Variants in IL1RAPL1 observed in about 807,000 individuals in gnomAD.
IL1RAPL1 encodes the protein interleukin 1 receptor accessory protein like 1, also known as interleukin-1 receptor accessory protein-like 1.
IL1RAPL1 carries 3 observed loss-of-function variants against 48.4 expected under a neutral mutation model. The observed-to-expected ratio is 0.06, with a 90% CI of 0.03 to 0.16. The LOEUF is 0.16. IL1RAPL1 is among the 10% of genes least tolerant of loss of function. The pLI is 1.00. For synonymous variants in IL1RAPL1, 185 were observed against 187.7 expected, an observed-to-expected ratio of 0.99 and a Z score of 0.12; for missense variants, 349 against 530.6, an observed-to-expected ratio of 0.66 and a Z score of 3.36.
At chrX:29,822,574 G>T (rs1177234273) in intron 6 of IL1RAPL1, among the ~76,000 whole-genome samples, 1 of 109,814 alleles carries the variant, frequency 9.1e-6, no homozygotes, top group African/African-American at 3.3e-5. Context: ...ACAGTATAAT[G>T]TTTTAAATAA....
chrX:29,323,640 T>C, intron 3 of IL1RAPL1, among the ~76,000 whole-genome samples: 1 of 91,854 alleles, frequency 1.1e-5, no homozygotes, highest in Non-Finnish European at 2.1e-5. Flanking sequence ...CCCTTGCATT[T>C]CCATCAGATA....
At chrX:29,949,460 G>A (rs1274663372) in intron 9 of IL1RAPL1, among the ~76,000 whole-genome samples, 3 of 111,691 alleles carry the variant, frequency 2.7e-5, no homozygotes, top group Non-Finnish European at 3.8e-5. Context: ...TCATAAGAAA[G>A]AGTAACTTAA....
At chrX:28,856,366 T>C (rs2147299888) in intron 2 of IL1RAPL1, among the ~76,000 whole-genome samples, 1 of 111,941 alleles carries the variant, frequency 8.9e-6, no homozygotes, top group Admixed American at 9.5e-5. Context: ...CCACAGCAAA[T>C]TGCTTAAAAC....
At chrX:29,932,097 C>G (rs1467041982) in intron 8 of IL1RAPL1, among the ~76,000 whole-genome samples, 1 of 112,182 alleles carries the variant, frequency 8.9e-6, no homozygotes, top group Non-Finnish European at 1.9e-5. Flanking sequence ...CTTTGTCTGT[C>G]TTCTCCCCAT....
chrX:29,370,811 T>G (rs1933533417), intron 3 of IL1RAPL1, among the ~76,000 whole-genome samples: 1 of 110,937 alleles, frequency 9.0e-6, no homozygotes, highest in Non-Finnish European at 1.9e-5. Context: ...AGTTGCAAGT[T>G]AAGACTAAAA....
intron 6 of IL1RAPL1, among the ~76,000 whole-genome samples, chrX:29,906,239 A>T (rs893872776): frequency 2.9e-5 from 3 of 104,265 alleles, no homozygotes; most frequent in African/African-American, 1.0e-4. Context: ...GGAGGCTGAG[A>T]CAGGAGAATG....
chrX:29,940,109 C>T (rs1026908005), intron 8 of IL1RAPL1, among the ~76,000 whole-genome samples: 1 of 110,791 alleles, frequency 9.0e-6, no homozygotes, highest in African/African-American at 3.3e-5. Flanking sequence ...GTGATCTGCC[C>T]GCCTTGGCCT....
intron 2 of IL1RAPL1, among the ~76,000 whole-genome samples, chrX:29,028,550 T>G (rs1185787194): frequency 9.0e-6 from 1 of 111,131 alleles, no homozygotes; most frequent in African/African-American, 3.3e-5. Flanking sequence ...CCTCCCAAAG[T>G]GCTAGGATTA....
rs1025388465 is a variant in IL1RAPL1, at chrX:28,587,598, C to T, written c.-474C>T. On this transcript the variant is annotated 5_prime_UTR_variant, in exon 1 of 11. Coordinates refer to ENST00000378993, the MANE Select transcript of IL1RAPL1 (RefSeq NM_014271.4). ...TGCATGTACTCAGAAGATTTGCAAG[C>T]AACACTCCAATTCTTGTCATAGAGC... 9.0e-6 allele frequency: 1 copy of T among 111,144 alleles called. No homozygotes were observed. Among genetic ancestry groups the T allele is most frequent in the Non-Finnish European group, 1.9e-5 (1 of 53,040 alleles). The allele number at this position is 111,144 out of a possible 1,213,427, so 9.2% of individuals were successfully genotyped here. A position where few individuals can be genotyped will look rare whatever the true frequency, so the allele number is the denominator to read the frequency against.
At chrX:29,708,201 C>T (rs1042943443) in intron 6 of IL1RAPL1, among the ~76,000 whole-genome samples, 2 of 110,951 alleles carry the variant, frequency 1.8e-5, no homozygotes, top group African/African-American at 3.3e-5. Flanking sequence ...CAAAGAGTCA[C>T]TCAAGCTAAT....
chrX:29,772,727 T>C (rs1929098530), intron 6 of IL1RAPL1, among the ~76,000 whole-genome samples: 1 of 112,130 alleles, frequency 8.9e-6, no homozygotes, highest in Admixed American at 9.5e-5. Context: ...GCAGTAAAAG[T>C]GAGTCCTGAT....
At chrX:29,507,290 T>C (rs1223111961) in intron 5 of IL1RAPL1, among the ~76,000 whole-genome samples, 1 of 88,963 alleles carries the variant, frequency 1.1e-5, no homozygotes, top group African/African-American at 4.2e-5. Flanking sequence ...TTCCTTTCTT[T>C]CTCTCTCCTT....
At chrX:28,644,042 A>T (rs1415119756) in intron 1 of IL1RAPL1, among the ~76,000 whole-genome samples, 1 of 111,853 alleles carries the variant, frequency 8.9e-6, no homozygotes, top group Admixed American at 9.5e-5. Context: ...CTCAACAAAA[A>T]GTCCTATTTC....
At chrX:29,318,986 G>T (rs773412152) in intron 3 of IL1RAPL1, among the ~76,000 whole-genome samples, 1 of 111,083 alleles carries the variant, frequency 9.0e-6, no homozygotes, top group South Asian at 3.7e-4. Flanking sequence ...AATTATAAAA[G>T]AAAAGGATCC....
chrX:29,345,657 T>C (rs2147649015), intron 3 of IL1RAPL1, among the ~76,000 whole-genome samples: 1 of 111,699 alleles, frequency 9.0e-6, no homozygotes, highest in East Asian at 2.8e-4. Flanking sequence ...TCATGTTTTT[T>C]CCCCTTGCTG....
At chrX:29,191,096 T>A (rs1185554782) in intron 2 of IL1RAPL1, among the ~76,000 whole-genome samples, 5 of 111,397 alleles carry the variant, frequency 4.5e-5, no homozygotes, top group Non-Finnish European at 9.4e-5. Flanking sequence ...AAAAAATGAG[T>A]TTCATGTATT....
At chrX:29,915,684 G>A (rs184163155) in intron 6 of IL1RAPL1, among the ~76,000 whole-genome samples, 282 of 103,256 alleles carry the variant, frequency 2.7e-3, no homozygotes, top group African/African-American at 9.3e-3. Flanking sequence ...CCTTAGGATC[G>A]CAGAGTTCTC....
At chrX:28,940,394 TA>T (rs1924135999) in intron 2 of IL1RAPL1, among the ~76,000 whole-genome samples, 1 of 111,615 alleles carries the variant, frequency 9.0e-6, no homozygotes, top group Non-Finnish European at 1.9e-5. Context: ...CCAGTGTAAA[TA>T]AAAATGATTT....
At chrX:29,468,634 G>A (rs914023032) in intron 5 of IL1RAPL1, among the ~76,000 whole-genome samples, 2 of 111,853 alleles carry the variant, frequency 1.8e-5, no homozygotes, top group Non-Finnish European at 3.8e-5. Context: ...CAGACACTAC[G>A]AAGCCACTCT....
Sources: gnomAD v4.1 joint callset for allele counts (sites outside exome capture counted in the v4.1 genomes callset) on GRCh38, gnomAD v4.1.1 for gene constraint, MANE v1.5 for transcripts, NCBI Gene and HGNC (gene_info 2026-07-23, HGNC 2026-07-21) for gene names.